Variants in LHFPL2 observed in about 807,000 individuals in gnomAD.
LHFPL2 encodes LHFPL tetraspan subfamily member 2.
LHFPL2 carries 7 observed loss-of-function variants against 17.5 expected under a neutral mutation model. The ratio of observed to expected loss-of-function variants is 0.40; its 90% CI spans 0.23 to 0.75. LHFPL2 has a LOEUF of 0.75. Ranked by LOEUF, LHFPL2 falls within the 30% of genes least tolerant of loss-of-function variation. The pLI is 0.37. For synonymous variants in LHFPL2, 134 were observed against 116.2 expected, an observed-to-expected ratio of 1.15 and a Z score of -0.99; for missense variants, 241 against 294.8, an observed-to-expected ratio of 0.82 and a Z score of 1.34.
At chr5:78,573,363 A>T (rs572920659) in intron 2 of LHFPL2, among the ~76,000 whole-genome samples, 1 of 152,346 alleles carries the variant, frequency 6.6e-6, no homozygotes, top group African/African-American at 2.4e-5. Flanking sequence ...AGATAGGAAA[A>T]AATACTGGTT....
At chr5:78,572,113 C>A (rs548935097) in intron 2 of LHFPL2, among the ~76,000 whole-genome samples, 1 of 152,050 alleles carries the variant, frequency 6.6e-6, no homozygotes, top group African/African-American at 2.4e-5. Context: ...TTTGAAGTAC[C>A]TAGCTGGGCA....
chr5:78,544,177 C>A (rs556759923), intron 3 of LHFPL2, among the ~76,000 whole-genome samples: 1 of 152,336 alleles, frequency 6.6e-6, no homozygotes, highest in Non-Finnish European at 1.5e-5. Flanking sequence ...TGTCCTCTTA[C>A]TTGAAGCCCC....
chr5:78,508,636 G>T (rs1755009435), intron 4 of LHFPL2, among the ~76,000 whole-genome samples: 1 of 152,186 alleles, frequency 6.6e-6, no homozygotes, highest in African/African-American at 2.4e-5. Flanking sequence ...TTGCTATGAG[G>T]CCAGCTAGAG....
chr5:78,605,447 A>G (rs1744181265), intron 2 of LHFPL2, among the ~76,000 whole-genome samples: 1 of 152,206 alleles, frequency 6.6e-6, no homozygotes, highest in East Asian at 1.9e-4. Flanking sequence ...CTGTGCCACC[A>G]TAGGCTGACA....
At chr5:78,580,151 T>G (rs1316600476) in intron 2 of LHFPL2, among the ~76,000 whole-genome samples, 2 of 152,240 alleles carry the variant, frequency 1.3e-5, no homozygotes, top group African/African-American at 4.8e-5. Context: ...TGTCTTCTTT[T>G]GAGAAGTGTC....
intron 2 of LHFPL2, among the ~76,000 whole-genome samples, chr5:78,607,497 TACAA>T (rs1404348356): frequency 6.6e-6 from 1 of 152,206 alleles, no homozygotes; most frequent in African/African-American, 2.4e-5. Flanking sequence ...ATGATCTAAT[TACAA>T]ACAAAATTTG....
intron 2 of LHFPL2, among the ~76,000 whole-genome samples, chr5:78,618,570 G>A (rs1283130932): frequency 6.6e-6 from 1 of 152,204 alleles, no homozygotes; most frequent in African/African-American, 2.4e-5. Context: ...AGGGGAGTTG[G>A]ACTTACGAAG....
At chr5:78,571,973 C>G (rs532860866) in intron 2 of LHFPL2, among the ~76,000 whole-genome samples, 31 of 152,240 alleles carry the variant, frequency 2.0e-4, no homozygotes, top group African/African-American at 7.2e-4. Context: ...TGAGAAATAA[C>G]GCACTCTCTC....
intron 4 of LHFPL2, among the ~76,000 whole-genome samples, chr5:78,492,837 C>T (rs769762094): frequency 1.6e-4 from 25 of 152,316 alleles, no homozygotes; most frequent in Non-Finnish European, 2.9e-4. Flanking sequence ...GCCAACCACA[C>T]GCTGCAACCT....
At chr5:78,647,089 C>T (rs747095076) in intron 1 of LHFPL2, among the ~76,000 whole-genome samples, 4 of 152,186 alleles carry the variant, frequency 2.6e-5, no homozygotes, top group Admixed American at 2.0e-4. Context: ...AGTGTTTTAT[C>T]TGATATTACT....
intron 4 of LHFPL2, among the ~76,000 whole-genome samples, chr5:78,491,667 ATGAGCTGAG>A (rs1369468810): frequency 2.6e-5 from 4 of 152,334 alleles, no homozygotes; most frequent in African/African-American, 9.6e-5. Flanking sequence ...TCCGCCCTGT[ATGAGCTGAG>A]TGACCGACAT....
chr5:78,554,682 C>T (rs1026920591), intron 3 of LHFPL2, among the ~76,000 whole-genome samples: 35 of 152,236 alleles, frequency 2.3e-4, no homozygotes, highest in African/African-American at 8.0e-4. Flanking sequence ...GCAAATAAAA[C>T]ACTGCCATGG....
intron 2 of LHFPL2, among the ~76,000 whole-genome samples, chr5:78,621,832 A>G (rs1744866022): frequency 6.6e-6 from 1 of 152,274 alleles, no homozygotes; most frequent in African/African-American, 2.4e-5. Context: ...CAGGACAAAC[A>G]TAAATACATT....
intron 2 of LHFPL2, among the ~76,000 whole-genome samples, chr5:78,589,440 A>AG (rs916340192): frequency 2.7e-5 from 4 of 150,112 alleles, no homozygotes; most frequent in African/African-American, 9.9e-5. Context: ...ACTGCACTCC[A>AG]GTCTGGCAAC....
chr5:78,607,551 T>C (rs766635291), intron 2 of LHFPL2, among the ~76,000 whole-genome samples: 6 of 152,252 alleles, frequency 3.9e-5, no homozygotes, highest in Non-Finnish European at 5.9e-5. Context: ...ATGTCTTTTT[T>C]GTGCATCTTA....
chr5:78,584,399 C>T (rs1205945838), intron 2 of LHFPL2, among the ~76,000 whole-genome samples: 1 of 152,016 alleles, frequency 6.6e-6, no homozygotes, highest in East Asian at 1.9e-4. Flanking sequence ...CTGTTTTTTC[C>T]CCATCTTTGT....
At chr5:78,561,141 C>T (rs1407164616) in intron 3 of LHFPL2, among the ~76,000 whole-genome samples, 3 of 152,126 alleles carry the variant, frequency 2.0e-5, no homozygotes, top group Non-Finnish European at 1.5e-5. Flanking sequence ...TCAAAATTTC[C>T]ATCAGGAATA....
chr5:78,645,541 CAT>C (rs1176439777), intron 1 of LHFPL2, among the ~76,000 whole-genome samples: 2 of 80,634 alleles, frequency 2.5e-5, no homozygotes, highest in Non-Finnish European at 5.3e-5. Flanking sequence ...CAGACAGATG[CAT>C]ACACACACAC....
At chr5:78,525,419 T>C (rs146990175) in intron 3 of LHFPL2, among the ~76,000 whole-genome samples, 53 of 152,340 alleles carry the variant, frequency 3.5e-4, no homozygotes, top group African/African-American at 1.3e-3. Context: ...GTAGCAATGA[T>C]AATGGTTAAA....
Sources: allele counts gnomAD v4.1 joint callset (sites outside exome capture counted in the v4.1 genomes callset), GRCh38; gene constraint gnomAD v4.1.1; transcripts MANE v1.5; gene names NCBI Gene and HGNC (gene_info 2026-07-23, HGNC 2026-07-21).